PTPN13: variants seen among roughly 807,000 people sequenced by gnomAD.
The protein encoded by PTPN13 is protein tyrosine phosphatase non-receptor type 13.
In PTPN13, 191 loss-of-function variants were observed where a neutral mutation model predicts 284.0. The ratio of observed to expected loss-of-function variants is 0.67; its 90% CI spans 0.60 to 0.76. The LOEUF is 0.76. PTPN13 is among the 30% of genes least tolerant of loss of function. The pLI, the probability that PTPN13 is intolerant of heterozygous loss-of-function variation, is 0.00. For missense variants in PTPN13, 2,797 were observed against 2,939.9 expected, an observed-to-expected ratio of 0.95 and a Z score of 1.12; for synonymous variants, 986 against 1,022.3, an observed-to-expected ratio of 0.96 and a Z score of 0.68.
chr4:86,612,900 G>T (rs2219993), intron 1 of PTPN13, among the ~76,000 whole-genome samples: 7,113 of 152,282 alleles, frequency 0.047, 226 homozygotes, highest in African/African-American at 0.06. Context: ...AAATAAAGTG[G>T]TTTTTTTTCC....
intron 6 of PTPN13, among the ~76,000 whole-genome samples, chr4:86,698,168 G>A (rs1204767611): frequency 1.3e-5 from 2 of 152,078 alleles, no homozygotes; most frequent in Admixed American, 6.5e-5. Flanking sequence ...ATGTCTTTGA[G>A]AATTTAAATA....
intron 23 of PTPN13, 69 bp downstream of exon 23, chr4:86,759,142 C>A (rs529488349): frequency 2.7e-6 from 4 of 1,498,394 alleles, no homozygotes; most frequent in East Asian, 2.3e-5. Context: ...TAGTGATATT[C>A]GCACAAAAAT....
intron 15 of PTPN13, among the ~76,000 whole-genome samples, chr4:86,736,759 T>G (rs1363563573): frequency 6.6e-6 from 1 of 152,244 alleles, no homozygotes; most frequent in Non-Finnish European, 1.5e-5. Context: ...TGAATTCTTA[T>G]TTCAACTAGC....
In PTPN13 at chr4:86,741,699, A is replaced by G. The variant is rs748632798; in HGVS notation, c.2370A>G (p.Gln790=). Residue 790 remains glutamine (Q), a synonymous_variant, in exon 16 of 48, where the codon CAA becomes CAG. Transcript: ENST00000411767. ...GAGTGCACCCTGAGAAGAAGTCACA[A>G]ACAGGAATATTGCTTGGAGTCTGTT... The part of the protein sequence containing the change: ...FHRVHPEKKS[Q]TGILLGVCSK... 2.5e-6 allele frequency: 4 copies of G among 1,613,816 alleles called. No individual in the cohort carries two copies. The highest frequency in any genetic ancestry group is 3.4e-6 in the Non-Finnish European group (4 of 1,179,800).
chr4:86,775,713 T>C (rs1419502687), intron 35 of PTPN13, 61 bp downstream of exon 35: 1 of 1,227,740 alleles, frequency 8.1e-7, no homozygotes, highest in Non-Finnish European at 1.2e-6. Context: ...GGTCATTGAT[T>C]ATACTTCATT....
chr4:86,733,277 C>T (rs1428243336), intron 12 of PTPN13, among the ~76,000 whole-genome samples: 3 of 152,056 alleles, frequency 2.0e-5, no homozygotes, highest in African/African-American at 7.2e-5. Flanking sequence ...GTCTAAGACA[C>T]AGCTTCAGTA....
intron 2 of PTPN13, among the ~76,000 whole-genome samples, chr4:86,648,160 G>A (rs1230045211): frequency 6.6e-6 from 1 of 152,102 alleles, no homozygotes; most frequent in Admixed American, 6.5e-5. Context: ...CGTACTCTGT[G>A]TAATGGTCAA....
chr4:86,693,619 G>T lies in PTPN13; in HGVS notation c.579G>T (p.Lys193Asn). ...TDQLSCNSEQ[K>N]PDRSQAIRDR... Reference sequence around the variant, plus strand: ...AGCTTTCCTGTAACAGTGAACAAAAGCCTGATCGAAGCCAGGCTATTCGAG... The same window carrying T: ...AGCTTTCCTGTAACAGTGAACAAAATCCTGATCGAAGCCAGGCTATTCGAG... The change falls in exon 6 of 48, where the codon AAG becomes AAT. Residue 193 changes from lysine to asparagine, a missense_variant. Lys to Asn is a moderately conservative substitution (Grantham distance 94). Coordinates refer to ENST00000411767, the MANE Select transcript of PTPN13 (RefSeq NM_080683.3). 1 of 1,556,602 alleles carries T rather than the reference G, an allele frequency of 6.4e-7. No homozygotes were observed. Among genetic ancestry groups the T allele is most frequent in the Non-Finnish European group, 8.7e-7 (1 of 1,147,576 alleles).
Position 86,759,036 on chromosome 4 carries a change from A to G in PTPN13, c.3516A>G (p.Thr1172=), listed in dbSNP as rs1304647182. The change falls in exon 23 of 48, where the codon ACA becomes ACG. Residue 1172 remains threonine (T), a synonymous_variant. Coordinates refer to ENST00000411767, the MANE Select transcript of PTPN13 (RefSeq NM_080683.3). ...TGCAAAATGCACCTGAAGATGTGAC[A>G]CTTGTTATCTCTCAGCCAAAAGAAA... ...EILQNAPEDV[T]LVISQPKEKI... is the part of the protein sequence containing the mutation. The G allele has an allele frequency of 6.2e-7, 1 of 1,613,518 alleles. No individual in the cohort carries two copies. The highest frequency in any genetic ancestry group is 1.3e-5 in the African/African-American group (1 of 74,906).
In PTPN13 at chr4:86,807,743, A is replaced by G. The variant is rs1744806043; in HGVS notation, c.6929A>G (p.Gln2310Arg). The change falls in exon 45 of 48, where the codon CAA becomes CGA. Residue 2310 changes from glutamine to arginine, a missense_variant. Coordinates refer to ENST00000411767, the MANE Select transcript of PTPN13 (RefSeq NM_080683.3). ...QKSTVIAMMT[Q>R]EVEGEKIKCQ... ...TCCACAGTGATAGCCATGATGACTCAAGAAGTAGAAGGAGAAAAAATCAAA... is the reference window on the plus strand; with the variant it reads ...TCCACAGTGATAGCCATGATGACTCGAGAAGTAGAAGGAGAAAAAATCAAA... 7 of 1,613,926 alleles carry G rather than the reference A, an allele frequency of 4.3e-6. No individual in the cohort carries two copies. The highest frequency in any genetic ancestry group is 5.9e-6 in the Non-Finnish European group (7 of 1,179,894).
intron 16 of PTPN13, among the ~76,000 whole-genome samples, chr4:86,742,893 A>G (rs535676562): frequency 6.6e-6 from 1 of 152,350 alleles, no homozygotes; most frequent in East Asian, 1.9e-4. Context: ...CCAAGCTACC[A>G]CACTAACCCA....
intron 17 of PTPN13, among the ~76,000 whole-genome samples, chr4:86,749,919 A>G (rs1015089468): frequency 1.3e-5 from 2 of 152,228 alleles, no homozygotes; most frequent in Admixed American, 6.5e-5. Flanking sequence ...TTGAGATACA[A>G]TTCAATACCA....
intron 21 of PTPN13, 87 bp downstream of exon 21, chr4:86,758,436 A>C: frequency 8.6e-7 from 1 of 1,167,018 alleles, no homozygotes; most frequent in Non-Finnish European, 1.2e-6. Flanking sequence ...TTGCAGTGCC[A>C]GCTCACTTCT....
At chr4:86,699,693 G>A (rs1225093635) in intron 6 of PTPN13, among the ~76,000 whole-genome samples, 1 of 152,164 alleles carries the variant, frequency 6.6e-6, no homozygotes, top group Non-Finnish European at 1.5e-5. Context: ...CAAGGTAGCA[G>A]GATAAGGCAG....
chr4:86,792,061 G>A (rs10013503), intron 40 of PTPN13, among the ~76,000 whole-genome samples: 15,141 of 151,920 alleles, frequency 0.1, 870 homozygotes, highest in Non-Finnish European at 0.11. Context: ...AACTTTCCCA[G>A]GCAAAAGGAG....
At chr4:86,635,615 C>T (rs371503616) in intron 2 of PTPN13, among the ~76,000 whole-genome samples, 3 of 152,192 alleles carry the variant, frequency 2.0e-5, no homozygotes, top group African/African-American at 7.2e-5. Context: ...TGATTGAAAC[C>T]GAAACAGTTC....
At chr4:86,615,154 CAAGTGAAATGTTAG>C (rs1720400982) in intron 1 of PTPN13, among the ~76,000 whole-genome samples, 1 of 152,010 alleles carries the variant, frequency 6.6e-6, no homozygotes, top group Non-Finnish European at 1.5e-5. Context: ...TTTGTTAGTC[CAAGTGAAATGTTAG>C]AAGATGGCAT....
At chr4:86,621,334 G>T (rs1397208846) in intron 1 of PTPN13, among the ~76,000 whole-genome samples, 1 of 152,106 alleles carries the variant, frequency 6.6e-6, no homozygotes, top group Non-Finnish European at 1.5e-5. Context: ...TTTTAATTAA[G>T]TTCAGTTCCA....
At chr4:86,665,051 TA>T (rs1726903961) in intron 2 of PTPN13, among the ~76,000 whole-genome samples, 1 of 152,212 alleles carries the variant, frequency 6.6e-6, no homozygotes, top group African/African-American at 2.4e-5. Context: ...TTGGTTTTAC[TA>T]ATATAGATTG....
Sources: allele counts gnomAD v4.1 joint callset (sites outside exome capture counted in the v4.1 genomes callset), GRCh38; gene constraint gnomAD v4.1.1; transcripts MANE v1.5; gene names NCBI Gene and HGNC (gene_info 2026-07-23, HGNC 2026-07-21).